The following CCDC73 variants were observed in gnomAD, a reference collection of about 807,000 sequenced individuals.
CCDC73 encodes the protein coiled-coil domain containing 73.
CCDC73 carries 95 observed loss-of-function variants against 116.5 expected under a neutral mutation model. The observed-to-expected ratio is 0.82, with a 90% CI of 0.69 to 0.97. CCDC73 has a LOEUF of 0.97. Ranked by LOEUF, CCDC73 falls within the 50% of genes least tolerant of loss-of-function variation. The pLI is 0.00. For missense variants in CCDC73, 1,066 were observed against 1,206.8 expected, an observed-to-expected ratio of 0.88 and a Z score of 1.73; for synonymous variants, 398 against 401.3, an observed-to-expected ratio of 0.99 and a Z score of 0.10.
At chr11:32,730,193 T>C (rs144650895) in intron 2 of CCDC73, among the ~76,000 whole-genome samples, 2,793 of 152,362 alleles carry the variant, frequency 0.018, 50 homozygotes, top group Non-Finnish European at 0.028. Context: ...ACCACTACTA[T>C]ATAATACAGA....
chr11:32,607,913 AAG>A (rs969223248), intron 17 of CCDC73, among the ~76,000 whole-genome samples: 3 of 152,190 alleles, frequency 2.0e-5, no homozygotes, highest in Non-Finnish European at 4.4e-5. Flanking sequence ...GTGGCAGCAA[AAG>A]AGAGCTTGTG....
intron 2 of CCDC73, among the ~76,000 whole-genome samples, chr11:32,756,805 G>A (rs1850347682): frequency 6.6e-6 from 1 of 151,730 alleles, no homozygotes; most frequent in Admixed American, 6.6e-5. Flanking sequence ...CAATCTTTTT[G>A]CACTCTGTTT....
intron 2 of CCDC73, among the ~76,000 whole-genome samples, chr11:32,723,901 C>A (rs932384587): frequency 2.6e-5 from 4 of 151,620 alleles, no homozygotes; most frequent in African/African-American, 9.7e-5. Context: ...TTAAAAGCTG[C>A]TTAAAGACAG....
chr11:32,698,201 T>A (rs1031192146), intron 6 of CCDC73, among the ~76,000 whole-genome samples: 1 of 151,772 alleles, frequency 6.6e-6, no homozygotes, highest in Non-Finnish European at 1.5e-5. Context: ...ATTTTTTGTA[T>A]TTTTAGTAGA....
At chr11:32,779,154 C>CA (rs2133394613) in intron 1 of CCDC73, among the ~76,000 whole-genome samples, 1 of 150,042 alleles carries the variant, frequency 6.7e-6, no homozygotes, top group South Asian at 2.1e-4. Flanking sequence ...CTGGGAAGAC[C>CA]AAAACACCTA....
intron 9 of CCDC73, among the ~76,000 whole-genome samples, chr11:32,659,598 T>G (rs1476948742): frequency 2.6e-5 from 4 of 152,180 alleles, no homozygotes; most frequent in Non-Finnish European, 5.9e-5. Context: ...ATTTTATGTT[T>G]TAAACATCCA....
the CCDC73 span, among the ~76,000 whole-genome samples, chr11:32,816,309 C>T: frequency 1.3e-5 from 2 of 152,194 alleles, no homozygotes; most frequent in African/African-American, 4.8e-5. Flanking sequence ...TAGGGATTCT[C>T]ATGTTGCCCA....
At chr11:32,676,235 T>A (rs1460468607) in intron 7 of CCDC73, among the ~76,000 whole-genome samples, 1 of 152,222 alleles carries the variant, frequency 6.6e-6, no homozygotes, top group Admixed American at 6.5e-5. Flanking sequence ...AACATATTTT[T>A]CCTGTAGCAA....
At chr11:32,746,010 C>A (rs539295684) in intron 2 of CCDC73, among the ~76,000 whole-genome samples, 3 of 152,130 alleles carry the variant, frequency 2.0e-5, no homozygotes, top group African/African-American at 7.2e-5. Flanking sequence ...GATGTAGTTT[C>A]TTCATAGCAT....
chr11:32,776,359 G>A (rs6484594), intron 1 of CCDC73, among the ~76,000 whole-genome samples: 10,071 of 152,038 alleles, frequency 0.066, 392 homozygotes, highest in South Asian at 0.12. Flanking sequence ...CAAACTCAAA[G>A]AGTTCTTTTT....
At chr11:32,686,744 T>TA (rs1274845504) in intron 6 of CCDC73, among the ~76,000 whole-genome samples, 2 of 152,226 alleles carry the variant, frequency 1.3e-5, no homozygotes, top group Non-Finnish European at 2.9e-5. Context: ...TCAATACCTC[T>TA]AGAGCATTGC....
intron 14 of CCDC73, among the ~76,000 whole-genome samples, chr11:32,632,620 A>G (rs1381063370): frequency 2.0e-5 from 3 of 151,474 alleles, no homozygotes; most frequent in Non-Finnish European, 4.4e-5. Context: ...GTGTGTGTGT[A>G]TGTGTGTATA....
intron 1 of CCDC73, among the ~76,000 whole-genome samples, chr11:32,780,643 A>G (rs190954716): frequency 1.0e-3 from 158 of 152,346 alleles, no homozygotes; most frequent in Admixed American, 1.8e-3. Flanking sequence ...CAATTAAGTT[A>G]TCACTATCTA....
chr11:32,607,135 C>T (rs1374686126), intron 17 of CCDC73, among the ~76,000 whole-genome samples: 37 of 127,108 alleles, frequency 2.9e-4, no homozygotes, highest in Non-Finnish European at 3.2e-5. Context: ...CTCTGTCGCC[C>T]AGGCTGGAGT....
intron 7 of CCDC73, chr11:32,681,334 G>A (rs1306577842): frequency 6.6e-6 from 1 of 151,994 alleles, no homozygotes; most frequent in East Asian, 1.9e-4. Context: ...TTGTATCAAT[G>A]ACCAGATCAC....
Position 32,607,079 on chromosome 11 carries a change from AATTTTTTTT to A in CCDC73, c.3030+4044_3030+4052del, listed in dbSNP as rs1370930109. ...AGCCCACCACGCCCAGCCAAAAATA[AATTTTTTTT>A]TTTTTTTTTTTTTTTTTTTTTTGAG... On this transcript the variant is annotated intron_variant, in intron 17 of 17. Coordinates refer to ENST00000335185, the MANE Select transcript of CCDC73 (RefSeq NM_001008391.4). Among the ~76,000 whole-genome samples, 293 of 119,234 alleles carry A rather than the reference AATTTTTTTT, an allele frequency of 2.5e-3. 2 individuals are homozygous for A. Among genetic ancestry groups the A allele is most frequent in the Non-Finnish European group, 3.6e-3 (215 of 59,776 alleles). 78.2% of individuals were successfully genotyped at this position (119,234 alleles called of 152,430 possible).
At chr11:32,626,722 GA>G (rs1855577612) in intron 14 of CCDC73, among the ~76,000 whole-genome samples, 1 of 152,180 alleles carries the variant, frequency 6.6e-6, no homozygotes, top group African/African-American at 2.4e-5. Flanking sequence ...AAGAAATGGG[GA>G]AAGGATTCCC....
chr11:32,668,046 G>A (rs979473361), intron 9 of CCDC73, among the ~76,000 whole-genome samples: 2 of 152,048 alleles, frequency 1.3e-5, no homozygotes, highest in Admixed American at 1.3e-4. Context: ...CTATAAAATG[G>A]AGATAATAAA....
chr11:32,772,744 A>T (rs541729832), intron 1 of CCDC73, among the ~76,000 whole-genome samples: 1 of 152,220 alleles, frequency 6.6e-6, no homozygotes, highest in Non-Finnish European at 1.5e-5. Context: ...TTATTCTATT[A>T]TTTGAACTAT....
Sources: gnomAD v4.1 joint callset for allele counts (sites outside exome capture counted in the v4.1 genomes callset) on GRCh38, gnomAD v4.1.1 for gene constraint, MANE v1.5 for transcripts, NCBI Gene and HGNC (gene_info 2026-07-23, HGNC 2026-07-21) for gene names.